Variants in ACSM1 observed in about 807,000 individuals in gnomAD.
ACSM1 encodes the protein acyl-coenzyme A synthetase ACSM1, mitochondrial.
A neutral mutation model predicts 75.8 loss-of-function variants in ACSM1; 79 were observed. The ratio of observed to expected loss-of-function variants is 1.04; its 90% confidence interval spans 0.87 to 1.26. ACSM1 has a LOEUF of 1.26. Ranked by LOEUF, ACSM1 falls within the 50% of genes most tolerant of loss-of-function variation. The pLI is 0.00. For missense variants in ACSM1, 676 were observed against 720.1 expected, an observed-to-expected ratio of 0.94 and a Z score of 0.70; for synonymous variants, 279 against 265.8, an observed-to-expected ratio of 1.05 and a Z score of -0.48.
chr16:20,624,979 C>A (rs2016829666), intron 12 of ACSM1, among the ~76,000 whole-genome samples: 1 of 152,114 alleles, frequency 6.6e-6, no homozygotes, highest in South Asian at 2.1e-4. Context: ...CCTCAGCCTC[C>A]CAAAACATTG....
chr16:20,696,048 G>A (rs535732760), intron 1 of ACSM1, among the ~76,000 whole-genome samples: 9 of 151,970 alleles, frequency 5.9e-5, no homozygotes, highest in Non-Finnish European at 1.3e-4. Context: ...ACTTACCATC[G>A]TGTCATGACT....
chr16:20,678,512 G>T (rs188118195), intron 4 of ACSM1, among the ~76,000 whole-genome samples: 4 of 152,298 alleles, frequency 2.6e-5, no homozygotes, highest in African/African-American at 9.6e-5. Context: ...CTGTGATGGG[G>T]GCTATCAGTA....
intron 4 of ACSM1, among the ~76,000 whole-genome samples, chr16:20,678,294 AAC>A (rs2079354835): frequency 6.6e-6 from 1 of 152,190 alleles, no homozygotes; most frequent in South Asian, 2.1e-4. Context: ...CTGAAAAAAA[AAC>A]ACACAAAAAA....
chr16:20,690,451 A>G (rs2079632974), intron 2 of ACSM1, among the ~76,000 whole-genome samples: 1 of 152,194 alleles, frequency 6.6e-6, no homozygotes, highest in African/African-American at 2.4e-5. Flanking sequence ...GACATACCTT[A>G]AAGCCACAGT....
chr16:20,626,181 T>A (rs2016913413), intron 11 of ACSM1, among the ~76,000 whole-genome samples: 1 of 151,038 alleles, frequency 6.6e-6, no homozygotes, highest in Non-Finnish European at 1.5e-5. Flanking sequence ...AGGTCAGGAG[T>A]TCAAGACCAG....
Position 20,671,590 on chromosome 16 carries a change from G to A in ACSM1, c.693C>T (p.Gly231=). The A allele has an allele frequency of 6.2e-7, 1 of 1,613,948 alleles. No individual in the cohort carries two copies. Among genetic ancestry groups the A allele is most frequent in the Non-Finnish European group, 8.5e-7 (1 of 1,179,900 alleles). ...MVIFFTSGTT[G]FPKMAKHSHG... ...GGGAGTGTTTTGCCATCTTGGGGAA[G>A]CCTGTGGTCCCACTGGTGAAGAAGA... Residue 231 remains glycine (G), a synonymous_variant, in exon 5 of 14, where the codon GGC becomes GGT. Coordinates refer to ENST00000520010, the MANE Select transcript of ACSM1 (RefSeq NM_001318890.3).
intron 7 of ACSM1, among the ~76,000 whole-genome samples, chr16:20,659,233 T>A (rs1228289662): frequency 6.6e-6 from 1 of 152,086 alleles, no homozygotes; most frequent in African/African-American, 2.4e-5. Context: ...ACTATTACCA[T>A]CAAATCAGAG....
intron 7 of ACSM1, among the ~76,000 whole-genome samples, chr16:20,651,542 C>T (rs752297358): frequency 2.0e-5 from 3 of 152,094 alleles, no homozygotes; most frequent in African/African-American, 4.8e-5. Context: ...GGCAGGAGAA[C>T]TGCTTAAGCC....
At chr16:20,672,471 A>AAAAAAAAATATATATATAT (rs1555473775) in intron 4 of ACSM1, among the ~76,000 whole-genome samples, 3 of 64,574 alleles carry the variant, frequency 4.6e-5, no homozygotes, top group African/African-American at 6.1e-5. Flanking sequence ...AAAAAAAAAA[A>AAAAAAAAATATATATATAT]ATATATATAT....
rs1458866444 is a variant in ACSM1, at chr16:20,623,573, C to A, written c.1648-1G>T. ...TTGGCAGCTCTGAGACAAACTCCAC[C>A]TGGTTGAGGATAAAGCAAATCCACA... On this transcript the variant is annotated splice_acceptor_variant, in intron 13 of 13. Coordinates refer to ENST00000520010, the MANE Select transcript of ACSM1 (RefSeq NM_001318890.3). LOFTEE classifies it high-confidence loss of function. 6.2e-7 allele frequency: 1 copy of A among 1,613,938 alleles called. No individual in the cohort carries two copies. Among genetic ancestry groups the A allele is most frequent in the South Asian group, 1.1e-5 (1 of 91,062 alleles).
Position 20,663,128 on chromosome 16 carries a change from G to A in ACSM1, c.913-1255C>T, listed in dbSNP as rs1267057031. 3.9e-5 allele frequency among the ~76,000 whole-genome samples: 6 copies of A among 152,090 alleles called. No homozygotes were observed. The East Asian group carries it at 1.2e-3, about 29-fold the overall frequency. Reference sequence around the variant, plus strand: ...GCTGCCCTGCCGCACCATAATCTAAGCCCAGGGCATAAAACCCCTTGTGGC... The same window carrying A: ...GCTGCCCTGCCGCACCATAATCTAAACCCAGGGCATAAAACCCCTTGTGGC... On this transcript the variant is annotated intron_variant, in intron 6 of 13. Coordinates refer to ENST00000520010, the MANE Select transcript of ACSM1 (RefSeq NM_001318890.3).
At chr16:20,634,136 C>T (rs2017514557) in intron 10 of ACSM1, among the ~76,000 whole-genome samples, 1 of 152,088 alleles carries the variant, frequency 6.6e-6, no homozygotes, top group Non-Finnish European at 1.5e-5. Flanking sequence ...AAAGGTCAGT[C>T]GTCAACAAAT....
intron 10 of ACSM1, among the ~76,000 whole-genome samples, chr16:20,633,781 G>A (rs1323584490): frequency 1.3e-5 from 2 of 152,156 alleles, no homozygotes; most frequent in East Asian, 3.9e-4. Flanking sequence ...CATAATCCCA[G>A]CACTTTGGGA....
intron 4 of ACSM1, among the ~76,000 whole-genome samples, chr16:20,677,370 G>C (rs1328256593): frequency 3.9e-5 from 6 of 152,188 alleles, no homozygotes; most frequent in Admixed American, 6.5e-5. Context: ...GCATCACCCA[G>C]TGACATACTT....
At chr16:20,696,927 T>C (rs2079692775) in intron 1 of ACSM1, among the ~76,000 whole-genome samples, 1 of 152,218 alleles carries the variant, frequency 6.6e-6, no homozygotes, top group African/African-American at 2.4e-5. Flanking sequence ...TCTCTGAACT[T>C]AAGCGCACAG....
intron 4 of ACSM1, chr16:20,680,774 A>G (rs1596942289): frequency 6.6e-6 from 1 of 152,218 alleles, no homozygotes; most frequent in East Asian, 1.9e-4. Context: ...ACCCTAAGCC[A>G]CACTTGGCAT....
chr16:20,627,542 T>C (rs1223046809), intron 10 of ACSM1, among the ~76,000 whole-genome samples: 1 of 152,064 alleles, frequency 6.6e-6, no homozygotes, highest in African/African-American at 2.4e-5. Context: ...TTTAAAAATA[T>C]CAATTCTGCC....
chr16:20,630,338 C>T (rs2017270544), intron 10 of ACSM1, among the ~76,000 whole-genome samples: 1 of 152,082 alleles, frequency 6.6e-6, no homozygotes, highest in Non-Finnish European at 1.5e-5. Context: ...CCACCTGCCT[C>T]GGCCTCCCAA....
intron 1 of ACSM1, among the ~76,000 whole-genome samples, chr16:20,692,259 A>G (rs766980685): frequency 2.0e-5 from 3 of 152,218 alleles, no homozygotes; most frequent in Non-Finnish European, 4.4e-5. Flanking sequence ...TATGTGGCCA[A>G]GGTGGTTGGG....
Sources: gnomAD v4.1 joint callset for allele counts (sites outside exome capture counted in the v4.1 genomes callset) on GRCh38, gnomAD v4.1.1 for gene constraint, MANE v1.5 for transcripts, NCBI Gene and HGNC (gene_info 2026-07-23, HGNC 2026-07-21) for gene names.